CTNNA3: variants seen among roughly 807,000 people sequenced by gnomAD.
CTNNA3 encodes catenin alpha-3.
CTNNA3 carries 76 observed loss-of-function variants against 95.7 expected under a neutral mutation model. That is an observed-to-expected ratio of 0.79 (90% CI 0.66 to 0.96). The LOEUF is 0.96. Among genes scored for constraint, CTNNA3 ranks in the 40% least tolerant of loss-of-function variants. The pLI, the probability that CTNNA3 is intolerant of heterozygous loss-of-function variation, is 0.00. For missense variants in CTNNA3, 1,191 were observed against 1,089.8 expected (o/e 1.09, Z -1.31); for synonymous variants, 431 against 374.4 (o/e 1.15, Z -1.74).
chr10:66,679,433 G>T (rs1441732547), intron 9 of CTNNA3, among the ~76,000 whole-genome samples: 2 of 152,154 alleles, frequency 1.3e-5, no homozygotes, highest in Non-Finnish European at 1.5e-5. Flanking sequence ...CAAGGTGTCT[G>T]CAGAATGTTT....
In CTNNA3 at chr10:65,939,047, T is replaced by C. The variant is rs570607564; in HGVS notation, c.2401-18430A>G. ...CCTCCCAAGTAGCTGGGACTACAGG[T>C]GCCCGCTACCATGCCTGGCTAATTT... On this transcript the variant is annotated intron_variant, in intron 17 of 17. Transcript: ENST00000433211. Among the ~76,000 whole-genome samples, 5 of 151,952 alleles carry C rather than the reference T, an allele frequency of 3.3e-5. No individual in the cohort carries two copies. In the East Asian group the frequency reaches 5.9e-4, roughly 18 times the overall value.
intron 1 of CTNNA3, among the ~76,000 whole-genome samples, chr10:67,742,130 C>T (rs149807230): frequency 0.057 from 8,615 of 151,000 alleles, 586 homozygotes; most frequent in African/African-American, 0.14. Flanking sequence ...TATCCAGGAA[C>T]TGAACTCAGC....
At chr10:67,504,972 T>C (rs560490958) in intron 5 of CTNNA3, among the ~76,000 whole-genome samples, 1 of 152,346 alleles carries the variant, frequency 6.6e-6, no homozygotes, top group African/African-American at 2.4e-5. Context: ...TGATCTTAAC[T>C]ATGCCCAATC....
intron 5 of CTNNA3, among the ~76,000 whole-genome samples, chr10:67,474,135 C>G (rs949030903): frequency 3.3e-5 from 5 of 152,106 alleles, no homozygotes; most frequent in African/African-American, 1.2e-4. Flanking sequence ...TTTAACTCTG[C>G]CAAAACTTCT....
intron 5 of CTNNA3, among the ~76,000 whole-genome samples, chr10:67,498,027 G>T (rs1394312268): frequency 6.6e-6 from 1 of 152,100 alleles, no homozygotes; most frequent in Non-Finnish European, 1.5e-5. Flanking sequence ...TGTCCTGAAT[G>T]GTATTGCCTA....
intron 9 of CTNNA3, among the ~76,000 whole-genome samples, chr10:66,754,856 T>C (rs1326511050): frequency 6.6e-6 from 1 of 152,136 alleles, no homozygotes; most frequent in Non-Finnish European, 1.5e-5. Flanking sequence ...CAGATGAGAA[T>C]GTAAAATGGT....
At chr10:66,288,045 T>G (rs1250742258) in intron 12 of CTNNA3, among the ~76,000 whole-genome samples, 4 of 152,086 alleles carry the variant, frequency 2.6e-5, no homozygotes, top group Admixed American at 6.6e-5. Context: ...ATGAACCCCA[T>G]GGGACTGGAC....
At chr10:67,500,468 C>T (rs949731025) in intron 5 of CTNNA3, among the ~76,000 whole-genome samples, 2 of 152,136 alleles carry the variant, frequency 1.3e-5, no homozygotes, top group Non-Finnish European at 2.9e-5. Flanking sequence ...GAGCTGAGCT[C>T]AAGTCCTGAA....
chr10:66,153,940 C>A (rs568118732), intron 13 of CTNNA3, among the ~76,000 whole-genome samples: 1 of 151,388 alleles, frequency 6.6e-6, no homozygotes, highest in African/African-American at 2.4e-5. Context: ...GATCTGTTGG[C>A]GGGCTGGACC....
Position 66,360,652 on chromosome 10 carries a change from TTTC to T in CTNNA3, c.1732+18497_1732+18499del, listed in dbSNP as rs1370783145. 1.7e-3 allele frequency among the ~76,000 whole-genome samples: 105 copies of T among 60,684 alleles called. 3 individuals carry two copies. The highest frequency in any genetic ancestry group is 7.4e-3 in the African/African-American group (100 of 13,598). The allele number at this position is 60,684 out of a possible 152,430, so 39.8% of individuals were successfully genotyped here. On this transcript the variant is annotated intron_variant, in intron 12 of 17. Transcript: ENST00000433211. ...CTTTCTTTCTTTCTTTCTTTCTTTC[TTTC>T]TTTCTTCCTTCCTTCCTTCCTTCCT...
chr10:66,663,666 T>G (rs1846341104), intron 9 of CTNNA3, among the ~76,000 whole-genome samples: 1 of 152,158 alleles, frequency 6.6e-6, no homozygotes, highest in Admixed American at 6.5e-5. Flanking sequence ...TCTCTTGTTT[T>G]CTATTGCTAG....
intron 12 of CTNNA3, among the ~76,000 whole-genome samples, chr10:66,350,746 T>C (rs979616577): frequency 6.6e-6 from 1 of 152,018 alleles, no homozygotes; most frequent in African/African-American, 2.4e-5. Flanking sequence ...TATTTACATA[T>C]TAAACACAAG....
At chr10:67,202,507 T>C (rs898552247) in intron 6 of CTNNA3, among the ~76,000 whole-genome samples, 1 of 152,154 alleles carries the variant, frequency 6.6e-6, no homozygotes, top group African/African-American at 2.4e-5. Context: ...CATCTCTTGA[T>C]AAAAGTAAAA....
intron 15 of CTNNA3, among the ~76,000 whole-genome samples, chr10:66,042,329 G>C (rs2079712400): frequency 1.3e-5 from 2 of 152,028 alleles, no homozygotes; most frequent in Middle Eastern, 3.2e-3. Context: ...GGAAGTTCTT[G>C]AAAGCAAGGT....
In CTNNA3 at chr10:66,884,896, T is replaced by C. The variant is rs925278573; in HGVS notation, c.1048-109372A>G. On this transcript the variant is annotated intron_variant, in intron 7 of 17. Coordinates refer to ENST00000433211, the MANE Select transcript of CTNNA3 (RefSeq NM_013266.4). ...GCAAGTCATAAGATATGAGAAGGGG[T>C]TGGGGTAAAGTAAGAGCAAGGAGGG... 2.0e-5 allele frequency among the ~76,000 whole-genome samples: 3 copies of C among 151,920 alleles called. No homozygotes were observed. The East Asian group carries it at 5.8e-4, about 29-fold the overall frequency.
At chr10:66,602,152 T>C (rs936225600) in intron 10 of CTNNA3, among the ~76,000 whole-genome samples, 1 of 151,856 alleles carries the variant, frequency 6.6e-6, no homozygotes, top group African/African-American at 2.4e-5. Context: ...GTATAGAAGT[T>C]CTTAGGATCT....
chr10:67,186,781 CTTT>C (rs1237587787), intron 6 of CTNNA3, among the ~76,000 whole-genome samples: 1 of 151,904 alleles, frequency 6.6e-6, no homozygotes, highest in East Asian at 1.9e-4. Flanking sequence ...AATATTTTTC[CTTT>C]TTTAAGGTTC....
chr10:67,531,755 T>G (rs1840334354), intron 4 of CTNNA3, among the ~76,000 whole-genome samples: 1 of 152,116 alleles, frequency 6.6e-6, no homozygotes, highest in African/African-American at 2.4e-5. Flanking sequence ...CAGAATGATA[T>G]AGTTTGGCTG....
intron 11 of CTNNA3, among the ~76,000 whole-genome samples, chr10:66,381,048 C>G (rs1034330068): frequency 6.6e-6 from 1 of 152,112 alleles, no homozygotes; most frequent in Non-Finnish European, 1.5e-5. Context: ...CTGCAACAAG[C>G]AGACCTAAGA....
Sources: allele counts gnomAD v4.1 joint callset (sites outside exome capture counted in the v4.1 genomes callset), GRCh38; gene constraint gnomAD v4.1.1; transcripts MANE v1.5; gene names NCBI Gene and HGNC (gene_info 2026-07-23, HGNC 2026-07-21).